The following DNAH5 variants were observed in gnomAD, a reference collection of about 807,000 sequenced individuals.
DNAH5 encodes dynein axonemal heavy chain 5, also known as axonemal beta dynein heavy chain 5.
DNAH5 carries 372 observed loss-of-function variants against 518.2 expected under a neutral mutation model. That is an observed-to-expected ratio of 0.72 (90% CI 0.66 to 0.78). The LOEUF (loss-of-function observed/expected upper bound fraction) is 0.78, where lower values mean the gene tolerates loss of function less well. DNAH5 is among the 30% of genes least tolerant of loss of function. The pLI is 0.00. For synonymous variants in DNAH5, 2,039 were observed against 2,025.9 expected, an observed-to-expected ratio of 1.01 and a Z score of -0.17; for missense variants, 5,523 against 5,687.0, an observed-to-expected ratio of 0.97 and a Z score of 0.93.
intron 47 of DNAH5, among the ~76,000 whole-genome samples, chr5:13,804,314 C>T (rs898770787): frequency 6.6e-6 from 1 of 152,210 alleles, no homozygotes; most frequent in Non-Finnish European, 1.5e-5. Flanking sequence ...GTGAAAGTTA[C>T]ATCAAGATGA....
chr5:13,862,778 C>G (rs1289422612), intron 28 of DNAH5, 31 bp from the exon 29 acceptor site: 1 of 1,586,700 alleles, frequency 6.3e-7, no homozygotes, highest in Admixed American at 1.7e-5. Flanking sequence ...CATGTTATTG[C>G]ATGAAAGTCA....
chr5:13,757,913 A>G (rs545408880), intron 61 of DNAH5, among the ~76,000 whole-genome samples: 95 of 152,304 alleles, frequency 6.2e-4, no homozygotes, highest in African/African-American at 2.1e-3. Flanking sequence ...AGGAATTTCA[A>G]TTCGGCCAAG....
intron 70 of DNAH5, among the ~76,000 whole-genome samples, chr5:13,726,569 C>A (rs574845920): frequency 6.6e-6 from 1 of 152,298 alleles, no homozygotes; most frequent in Non-Finnish European, 1.5e-5. Flanking sequence ...GCAACCATTT[C>A]ACAATTCAGT....
intron 76 of DNAH5, among the ~76,000 whole-genome samples, chr5:13,703,097 C>T (rs1427879709): frequency 6.6e-6 from 1 of 152,132 alleles, no homozygotes; most frequent in Non-Finnish European, 1.5e-5. Flanking sequence ...GATCCTCCAC[C>T]TCATTCTGGA....
intron 16 of DNAH5, among the ~76,000 whole-genome samples, chr5:13,891,835 T>A (rs186148550): frequency 9.1e-4 from 138 of 152,306 alleles, no homozygotes; most frequent in Non-Finnish European, 1.6e-3. Context: ...CTAAGTTCAA[T>A]GGATGCAAAG....
intron 47 of DNAH5, among the ~76,000 whole-genome samples, chr5:13,804,396 G>A (rs1383293451): frequency 6.6e-6 from 1 of 152,178 alleles, no homozygotes. Flanking sequence ...GCTGAGAAAT[G>A]GACAGTATCT....
intron 38 of DNAH5, 33 bp from the exon 39 acceptor site, chr5:13,824,366 C>T (rs774846308): frequency 1.5e-5 from 24 of 1,609,156 alleles, no homozygotes; most frequent in Non-Finnish European, 2.0e-5. Context: ...GGCTTATTTT[C>T]AACATTAAAA....
intron 22 of DNAH5, among the ~76,000 whole-genome samples, chr5:13,873,913 T>C (rs973666874): frequency 6.6e-6 from 1 of 152,156 alleles, no homozygotes. Flanking sequence ...TGATAAAGAA[T>C]AAACAGTGCA....
At chr5:13,826,668 C>A (rs1049539867) in intron 38 of DNAH5, among the ~76,000 whole-genome samples, 1 of 152,222 alleles carries the variant, frequency 6.6e-6, no homozygotes, top group Non-Finnish European at 1.5e-5. Flanking sequence ...TTCAATTAAA[C>A]CTCTTTCCTT....
chr5:13,966,865 T>C (rs952540767), intron 1 of DNAH5, among the ~76,000 whole-genome samples: 16 of 152,202 alleles, frequency 1.1e-4, no homozygotes, highest in African/African-American at 3.6e-4. Context: ...TTTTTTGCTT[T>C]TTGCTTTTTG....
intron 73 of DNAH5, 30 bp from the exon 74 acceptor site, chr5:13,716,720 A>C: frequency 6.8e-7 from 1 of 1,465,840 alleles, no homozygotes; most frequent in Non-Finnish European, 9.5e-7. Flanking sequence ...AATTATGTAG[A>C]ACTGACTACC....
chr5:13,793,552 G>C lies in DNAH5; in HGVS notation c.8187C>G (p.Cys2729Trp). The C allele has an allele frequency of 1.2e-6, 2 of 1,614,048 alleles. No individual in the cohort carries two copies. The highest frequency in any genetic ancestry group is 1.7e-6 in the Non-Finnish European group (2 of 1,179,986). Residue 2729 changes from cysteine to tryptophan, a missense_variant, in exon 49 of 79, where the codon TGC (cysteine) becomes TGG (tryptophan). By Grantham distance (215) the Cys-to-Trp change is radical. Around this residue, in one of 3 missense-constraint regions of DNAH5, gnomAD observed 5,121 missense variants for 5,223.3 expected, o/e 0.98. Coordinates refer to ENST00000265104, the MANE Select transcript of DNAH5 (RefSeq NM_001369.3). ...CCACAGAAGCTTCAGAGGGCAACGT[G>C]CAATTAAATATAGAGAACTGCCTCT... is the stretch of plus-strand genomic sequence containing the variant. ...RLKRQFSIFN[C>W]TLPSEASVDK...
At chr5:13,695,395 G>C (rs1213297466) in intron 78 of DNAH5, among the ~76,000 whole-genome samples, 1 of 152,138 alleles carries the variant, frequency 6.6e-6, no homozygotes, top group African/African-American at 2.4e-5. Flanking sequence ...ACCTTAGCAG[G>C]TACCTGAGAA....
intron 12 of DNAH5, among the ~76,000 whole-genome samples, chr5:13,904,456 C>T (rs1775043620): frequency 6.8e-6 from 1 of 147,550 alleles, no homozygotes; most frequent in South Asian, 2.1e-4. Flanking sequence ...TATATATGTG[C>T]ATGTGAATTA....
chr5:13,873,092 T>C (rs1393455760), intron 22 of DNAH5, among the ~76,000 whole-genome samples: 4 of 152,242 alleles, frequency 2.6e-5, no homozygotes, highest in Non-Finnish European at 4.4e-5. Context: ...ATTGCACATG[T>C]ATCCTATAAA....
At position 13,769,007 on chromosome 5, in the gene DNAH5, G is replaced by T. The variant is rs1752912351; in HGVS notation, c.9850C>A (p.Leu3284Met). The change falls in exon 58 of 79, where the codon CTG (leucine) becomes ATG (methionine). Residue 3284 changes from leucine (L) to methionine (M), a missense_variant. Physicochemically the swap from Leu to Met is conservative, Grantham distance 15. This residue lies in a region of DNAH5 where 5,121 missense variants were observed against 5,223.3 expected (regional missense o/e 0.98). Transcript: ENST00000265104. ...SKDKAIAEEK[L>M]EAAKPALEEA... ...TCTAAAGCTGGTTTTGCTGCTTCCA[G>T]TTTTTCTTCAGCAATGGCTTTGTCT... 6.2e-7 allele frequency: 1 copy of T among 1,614,196 alleles called. No individual in the cohort carries two copies. Among genetic ancestry groups the T allele is most frequent in the East Asian group, 2.2e-5 (1 of 44,874 alleles).
chr5:13,988,928 A>G (rs1783275744), intron 1 of DNAH5, among the ~76,000 whole-genome samples: 1 of 150,944 alleles, frequency 6.6e-6, no homozygotes, highest in East Asian at 1.9e-4. Context: ...GGGTTTCACC[A>G]TGTTGGCCAG....
intron 6 of DNAH5, 24 bp from the exon 7 acceptor site, chr5:13,919,376 C>A (rs375743858): frequency 6.2e-7 from 1 of 1,610,938 alleles, no homozygotes; most frequent in African/African-American, 1.3e-5. Context: ...GGGAAAAACA[C>A]GAGCCATTGC....
chr5:13,781,184 TAGG>T (rs1755076701), intron 52 of DNAH5, among the ~76,000 whole-genome samples: 1 of 151,948 alleles, frequency 6.6e-6, no homozygotes, highest in Non-Finnish European at 1.5e-5. Flanking sequence ...CTTTAGGAAG[TAGG>T]AGGACACCAG....
Sources: gnomAD v4.1 joint callset for allele counts (sites outside exome capture counted in the v4.1 genomes callset) on GRCh38, gnomAD v4.1.1 for gene constraint, gnomAD v4.1.1 regional missense constraint, MANE v1.5 for transcripts, NCBI Gene and HGNC (gene_info 2026-07-23, HGNC 2026-07-21) for gene names.